SPAST: variants seen among roughly 807,000 people sequenced by gnomAD.
The protein encoded by SPAST is spastic paraplegia 4 (autosomal dominant; spastin).
A neutral mutation model predicts 76.6 loss-of-function variants in SPAST; 30 were observed. That is an observed-to-expected ratio of 0.39 (90% CI 0.29 to 0.53). The LOEUF is 0.53. Ranked by LOEUF, SPAST falls within the 20% of genes least tolerant of loss-of-function variation. The probability of loss-of-function intolerance (pLI) is 0.68; values close to 1 mark genes in which losing one functional copy is unlikely to be tolerated. For synonymous variants in SPAST, 305 were observed against 281.0 expected (o/e 1.09, Z -0.86); for missense variants, 717 against 770.5 (o/e 0.93, Z 0.82).
At chr2:32,120,757 A>G (rs1285068398) in intron 7 of SPAST, among the ~76,000 whole-genome samples, 1 of 151,360 alleles carries the variant, frequency 6.6e-6, no homozygotes, top group African/African-American at 2.4e-5. Flanking sequence ...TAAATTCCAT[A>G]TTTTCCACTT....
In SPAST at chr2:32,145,058, A is replaced by G. The variant is rs978386969; in HGVS notation, c.1687+51A>G. 3.8e-6 allele frequency: 5 copies of G among 1,306,636 alleles called. 1 individual carries two copies. The highest frequency in any genetic ancestry group is 5.5e-6 in the Non-Finnish European group (5 of 917,134). The allele number at this position is 1,306,636 out of a possible 1,614,324, so 80.9% of individuals were successfully genotyped here. On this transcript the variant is annotated intron_variant, in intron 15 of 16. Transcript: ENST00000315285. The stretch of plus-strand genomic sequence containing the variant: ...TTAGAACTATTTATTATACCACCTT[A>G]GAAGTTTAAGAAGTCCAAAAAAATC...
chr2:32,071,003 T>G (rs1259295842), intron 1 of SPAST, among the ~76,000 whole-genome samples: 1 of 152,230 alleles, frequency 6.6e-6, no homozygotes, highest in Non-Finnish European at 1.5e-5. Flanking sequence ...TACTTTATAC[T>G]GCAGGTTTTT....
chr2:32,125,292 C>A (rs899818275), intron 7 of SPAST, among the ~76,000 whole-genome samples: 1 of 152,074 alleles, frequency 6.6e-6, no homozygotes, highest in East Asian at 1.9e-4. Context: ...GGCACGATCT[C>A]GGCTCACTGA....
chr2:32,110,535 ATATAGTATATATATACTATATAGTGT>A (rs1678520340), intron 4 of SPAST, among the ~76,000 whole-genome samples: 1 of 132,784 alleles, frequency 7.5e-6, no homozygotes, highest in Non-Finnish European at 1.6e-5. Flanking sequence ...TAGTGTGTAT[ATATAGTATATATATACTATATAGTGT>A]GTATATATAG....
rs371726227 is a variant in SPAST at position 32,125,995 on chromosome 2, T to C, written c.1099-953T>C. Among the ~76,000 whole-genome samples the C allele has an allele frequency of 2.2e-4, 33 of 152,038 alleles. No homozygotes were observed. In the South Asian group the frequency reaches 5.8e-3, roughly 27 times the overall value. On this transcript the variant is annotated intron_variant, in intron 7 of 16. Coordinates refer to ENST00000315285, the MANE Select transcript of SPAST (RefSeq NM_014946.4). ...TATTTTTAGTAGAGACGGGGTTTCA[T>C]CGTGTTAGCCAGGATGGTCTCGATC...
At chr2:32,119,891 C>T (rs530156701) in intron 7 of SPAST, among the ~76,000 whole-genome samples, 10 of 152,046 alleles carry the variant, frequency 6.6e-5, no homozygotes, top group African/African-American at 9.7e-5. Flanking sequence ...TCTATCATTT[C>T]GAGCTTTTAT....
chr2:32,077,010 G>A (rs35112079), intron 1 of SPAST, among the ~76,000 whole-genome samples: 41,730 of 151,728 alleles, frequency 0.28, 6,121 homozygotes, highest in East Asian at 0.55. Context: ...CAAGTAGCTG[G>A]AATTACAGGC....
intron 1 of SPAST, among the ~76,000 whole-genome samples, chr2:32,068,145 A>AT (rs1676599693): frequency 6.7e-6 from 1 of 149,728 alleles, no homozygotes; most frequent in South Asian, 2.1e-4. Flanking sequence ...TGCCCAGCTA[A>AT]TTTTTTGTAT....
At chr2:32,095,197 A>G (rs1323530892) in intron 3 of SPAST, among the ~76,000 whole-genome samples, 2 of 152,192 alleles carry the variant, frequency 1.3e-5, no homozygotes, top group Non-Finnish European at 2.9e-5. Flanking sequence ...TGAAGGTCGA[A>G]CAACTAGATT....
intron 1 of SPAST, among the ~76,000 whole-genome samples, chr2:32,078,297 A>G (rs1386630474): frequency 6.6e-6 from 1 of 152,098 alleles, no homozygotes; most frequent in East Asian, 1.9e-4. Flanking sequence ...TCAGCCTCCC[A>G]AGTAGCTTGG....
At chr2:32,101,160 G>T (rs1678106414) in intron 4 of SPAST, among the ~76,000 whole-genome samples, 1 of 152,136 alleles carries the variant, frequency 6.6e-6, no homozygotes. Context: ...ATTCTAACTG[G>T]TGTGAGACGG....
At chr2:32,106,350 T>C (rs1313339507) in intron 4 of SPAST, among the ~76,000 whole-genome samples, 1 of 152,162 alleles carries the variant, frequency 6.6e-6, no homozygotes, top group African/African-American at 2.4e-5. Flanking sequence ...ATTTTCCAGG[T>C]ACCATATGTC....
intron 7 of SPAST, among the ~76,000 whole-genome samples, chr2:32,125,868 C>G (rs1216715450): frequency 7.9e-5 from 12 of 152,096 alleles, no homozygotes; most frequent in Non-Finnish European, 4.4e-5. Flanking sequence ...AATCTTGGCT[C>G]AATACACGCT....
intron 1 of SPAST, among the ~76,000 whole-genome samples, chr2:32,083,675 A>ATATAT (rs1341372230): frequency 2.6e-4 from 25 of 97,500 alleles, no homozygotes; most frequent in African/African-American, 9.6e-4. Flanking sequence ...ATATATATAT[A>ATATAT]TTTTTATGCT....
intron 1 of SPAST, 54 bp downstream of exon 1, chr2:32,064,300 T>G: frequency 3.7e-5 from 18 of 482,526 alleles, no homozygotes; most frequent in Non-Finnish European, 6.0e-5. Context: ...GGCGGTGGGG[T>G]CGCCGGGGGA....
At chr2:32,109,765 G>A (rs1428712245) in intron 4 of SPAST, among the ~76,000 whole-genome samples, 1 of 148,044 alleles carries the variant, frequency 6.8e-6, no homozygotes, top group African/African-American at 2.5e-5. Flanking sequence ...TCTGTATATA[G>A]TTATATATGT....
At chr2:32,065,023 CT>C (rs1286197371) in intron 1 of SPAST, among the ~76,000 whole-genome samples, 205 of 145,296 alleles carry the variant, frequency 1.4e-3, no homozygotes, top group African/African-American at 1.7e-3. Flanking sequence ...TTTAAGCTAA[CT>C]TTTTTTTTTT....
intron 6 of SPAST, 101 bp downstream of exon 6, chr2:32,115,936 G>T: frequency 2.0e-6 from 2 of 1,023,110 alleles, no homozygotes; most frequent in Non-Finnish European, 1.5e-6. Context: ...ACCTTGTCTG[G>T]TTTACATACT....
At chr2:32,091,077 A>G (rs1558625206) in intron 3 of SPAST, among the ~76,000 whole-genome samples, 1 of 151,826 alleles carries the variant, frequency 6.6e-6, no homozygotes, top group Non-Finnish European at 1.5e-5. Context: ...CTACCACTCA[A>G]AAAAAGTAGA....
Sources: allele counts gnomAD v4.1 joint callset (sites outside exome capture counted in the v4.1 genomes callset), GRCh38; gene constraint gnomAD v4.1.1; transcripts MANE v1.5; gene names NCBI Gene and HGNC (gene_info 2026-07-23, HGNC 2026-07-21).